Variants in TAS2R1 observed in about 807,000 individuals in gnomAD.
TAS2R1 encodes taste receptor type 2 member 1.
For missense variants in TAS2R1, 370 were observed against 353.4 expected, an observed-to-expected ratio of 1.05 and a Z score of -0.38; for synonymous variants, 141 against 134.2, an observed-to-expected ratio of 1.05 and a Z score of -0.35.
the TAS2R1 span, among the ~76,000 whole-genome samples, chr5:9,744,691 C>T: frequency 2.6e-5 from 4 of 152,154 alleles, no homozygotes; most frequent in Non-Finnish European, 5.9e-5. Context: ...CAAAGACATC[C>T]ACATCCTAAT....
chr5:9,765,587 G>T, the TAS2R1 span: 1 of 152,048 alleles, frequency 6.6e-6, no homozygotes, highest in Non-Finnish European at 1.5e-5. Flanking sequence ...CCACACAGCT[G>T]ATCTTTAGCG....
chr5:9,657,637 C>T (rs1342107777), intron 2 of TAS2R1, among the ~76,000 whole-genome samples: 1 of 152,098 alleles, frequency 6.6e-6, no homozygotes, highest in African/African-American at 2.4e-5. Flanking sequence ...GTGAAACAAC[C>T]CAGACTCATG....
At chr5:9,831,772 C>G in the TAS2R1 span, among the ~76,000 whole-genome samples, 1 of 152,006 alleles carries the variant, frequency 6.6e-6, no homozygotes, top group African/African-American at 2.4e-5. Flanking sequence ...CTTATTAAAC[C>G]TTTCTTCACA....
chr5:9,896,078 G>A, the TAS2R1 span, among the ~76,000 whole-genome samples: 1,361 of 152,276 alleles, frequency 8.9e-3, 8 homozygotes, highest in Non-Finnish European at 0.014. Flanking sequence ...ATATTTTAGA[G>A]TTACCCCAAC....
At chr5:9,811,327 C>G in the TAS2R1 span, among the ~76,000 whole-genome samples, 4 of 152,168 alleles carry the variant, frequency 2.6e-5, no homozygotes, top group Non-Finnish European at 5.9e-5. Flanking sequence ...ACCACACAGT[C>G]TACGACATTT....
chr5:9,755,090 G>C, the TAS2R1 span, among the ~76,000 whole-genome samples: 1 of 151,998 alleles, frequency 6.6e-6, no homozygotes, highest in Non-Finnish European at 1.5e-5. Flanking sequence ...CATAATTTAC[G>C]GTTCATTAGC....
At chr5:9,795,841 T>G in the TAS2R1 span, among the ~76,000 whole-genome samples, 1 of 152,252 alleles carries the variant, frequency 6.6e-6, no homozygotes, top group South Asian at 2.1e-4. Flanking sequence ...TGTGACAAAT[T>G]TGGGGTAAGT....
At chr5:9,651,940 T>A (rs1371262351) in intron 2 of TAS2R1, among the ~76,000 whole-genome samples, 2 of 152,188 alleles carry the variant, frequency 1.3e-5, no homozygotes, top group African/African-American at 4.8e-5. Flanking sequence ...GTTCCATTCA[T>A]CATGTCTATG....
chr5:9,898,944 A>G, the TAS2R1 span, among the ~76,000 whole-genome samples: 1,551 of 152,318 alleles, frequency 0.01, 27 homozygotes, highest in African/African-American at 0.036. Context: ...TTACAGATGG[A>G]GGTCGTTGAA....
At chr5:9,739,405 G>C in the TAS2R1 span, among the ~76,000 whole-genome samples, 1 of 152,190 alleles carries the variant, frequency 6.6e-6, no homozygotes. Context: ...GTGTTGGGCA[G>C]TGAGAAACCC....
chr5:9,708,254 C>G (rs2126530996), intron 1 of TAS2R1, among the ~76,000 whole-genome samples: 1 of 152,322 alleles, frequency 6.6e-6, no homozygotes, highest in African/African-American at 2.4e-5. Context: ...ATGGCAGGCC[C>G]TGTTCGGCCA....
At chr5:9,665,725 C>T (rs758824330) in intron 1 of TAS2R1, among the ~76,000 whole-genome samples, 12 of 152,120 alleles carry the variant, frequency 7.9e-5, no homozygotes, top group African/African-American at 1.7e-4. Flanking sequence ...GAGAATTCAG[C>T]GGCTTAATAC....
the TAS2R1 span, among the ~76,000 whole-genome samples, chr5:9,729,492 C>A: frequency 6.6e-6 from 1 of 152,120 alleles, no homozygotes; most frequent in Non-Finnish European, 1.5e-5. Flanking sequence ...TGGGCACACG[C>A]CTTGGTGACA....
chr5:9,847,249 T>C, the TAS2R1 span, among the ~76,000 whole-genome samples: 1 of 152,264 alleles, frequency 6.6e-6, no homozygotes, highest in African/African-American at 2.4e-5. Context: ...AGAAAATGTT[T>C]GTACTTCTTC....
chr5:9,701,538 G>A (rs1320514606), intron 1 of TAS2R1, among the ~76,000 whole-genome samples: 1 of 152,144 alleles, frequency 6.6e-6, no homozygotes, highest in African/African-American at 2.4e-5. Flanking sequence ...GGAAAAAAAT[G>A]CCTGTTTCTC....
intron 2 of TAS2R1, among the ~76,000 whole-genome samples, chr5:9,659,182 G>A (rs2126494004): frequency 6.6e-6 from 1 of 152,240 alleles, no homozygotes; most frequent in East Asian, 1.9e-4. Flanking sequence ...GACTCTCAAA[G>A]TGGACAATTG....
At chr5:9,678,082 T>A (rs186585304) in intron 1 of TAS2R1, among the ~76,000 whole-genome samples, 28 of 151,830 alleles carry the variant, frequency 1.8e-4, no homozygotes, top group Admixed American at 5.9e-4. Flanking sequence ...TAAACATATT[T>A]ACAAAAAGAC....
the TAS2R1 span, among the ~76,000 whole-genome samples, chr5:9,719,203 C>T: frequency 3.3e-5 from 5 of 152,098 alleles, no homozygotes; most frequent in African/African-American, 9.7e-5. Flanking sequence ...CCATGATACA[C>T]ATAACTTATC....
chr5:9,765,159 TA>T, the TAS2R1 span, among the ~76,000 whole-genome samples: 3 of 152,018 alleles, frequency 2.0e-5, no homozygotes, highest in Admixed American at 6.5e-5. Context: ...AAAACAACAT[TA>T]AAATTTCTCT....
Sources: gnomAD v4.1 joint callset for allele counts (sites outside exome capture counted in the v4.1 genomes callset) on GRCh38, gnomAD v4.1.1 for gene constraint, MANE v1.5 for transcripts, NCBI Gene and HGNC (gene_info 2026-07-23, HGNC 2026-07-21) for gene names.